SSBP4: variants seen among roughly 807,000 people sequenced by gnomAD.
The protein encoded by SSBP4 is single stranded DNA binding protein 4.
A neutral mutation model predicts 64.6 loss-of-function variants in SSBP4; 33 were observed. The observed-to-expected ratio is 0.51, with a 90% CI of 0.39 to 0.68. The LOEUF is 0.68. Ranked by LOEUF, SSBP4 falls within the 30% of genes least tolerant of loss-of-function variation. The pLI is 0.00. For missense variants in SSBP4, 583 were observed against 566.8 expected (o/e 1.03, Z -0.29); for synonymous variants, 243 against 224.0 (o/e 1.08, Z -0.76).
chr19:18,429,806 C>G (rs888668), intron 4 of SSBP4, among the ~76,000 whole-genome samples: 32,331 of 152,148 alleles, frequency 0.21, 3,532 homozygotes, highest in Admixed American at 0.25. Context: ...GGGGCTCCCG[C>G]CTCCAGCCCC....
chr19:18,414,020 A>C (rs1187846402), upstream of SSBP4, among the ~76,000 whole-genome samples: 3 of 150,830 alleles, frequency 2.0e-5, no homozygotes, highest in East Asian at 2.0e-4. Flanking sequence ...CCATCTCAAA[A>C]AAACAAACAA....
intron 17 of SSBP4, 82 bp from the exon 18 acceptor site, chr19:18,434,135 C>T: frequency 6.3e-7 from 1 of 1,596,804 alleles, no homozygotes; most frequent in South Asian, 1.1e-5. Flanking sequence ...CTGCCCTGTC[C>T]CCCATTGTCC....
intron 4 of SSBP4, among the ~76,000 whole-genome samples, chr19:18,428,406 T>TG (rs1269709162): frequency 6.6e-6 from 1 of 152,124 alleles, no homozygotes; most frequent in Admixed American, 6.5e-5. Context: ...GGGTGCCTGA[T>TG]GGGCCAGGCA....
At position 18,427,627 on chromosome 19, in the gene SSBP4, C is replaced by T; in HGVS notation, c.133-125C>T. 1 of 1,265,456 alleles carries T rather than the reference C, an allele frequency of 7.9e-7. No individual in the cohort carries two copies. The allele number at this position is 1,265,456 out of a possible 1,614,324, so 78.4% of individuals were successfully genotyped here. ...GGGACCTGCCACACATCCTGGGGCC[C>T]TCTGCCCACCCTGTTACCCTTCCCT... On this transcript the variant is annotated intron_variant, in intron 2 of 17. Transcript: ENST00000270061. The surrounding 1 kb of genome is among the most constrained non-coding windows in gnomAD (Gnocchi z 4.4).
chr19:18,432,224 T>TG lies in SSBP4; in HGVS notation c.704+15dup. ...TGCCTGCCATGAACATGTAAGACCC[T>TG]GGGGGATCCTAGGAGTGTGCAGTTC... On this transcript the variant is annotated intron_variant, in intron 10 of 17. Transcript: ENST00000270061. 6.2e-7 allele frequency: 1 copy of TG among 1,612,544 alleles called. No homozygotes were observed. Among genetic ancestry groups the TG allele is most frequent in the Admixed American group, 1.7e-5 (1 of 59,980 alleles).
chr19:18,415,546 C>T (rs992257406), upstream of SSBP4, among the ~76,000 whole-genome samples: 1 of 151,992 alleles, frequency 6.6e-6, no homozygotes. Context: ...AACAGTCTTG[C>T]GGGGGCAGTG....
intron 4 of SSBP4, 71 bp from the exon 5 acceptor site, chr19:18,430,770 G>A (rs113307372): frequency 1.0e-6 from 1 of 999,900 alleles, no homozygotes; most frequent in South Asian, 1.7e-5. Flanking sequence ...TGCAGAGAGG[G>A]GGGGCACACC....
chr19:18,431,996 C>G lies in SSBP4; in HGVS notation c.566-4C>G, dbSNP rs773718123. The G allele has an allele frequency of 3.2e-6, 5 of 1,557,458 alleles. No individual in the cohort carries two copies. The highest frequency in any genetic ancestry group is 4.4e-6 in the Non-Finnish European group (5 of 1,146,836). The stretch of plus-strand genomic sequence containing the variant: ...CAAGTCCCCTTCCTTCTGCCCCACC[C>G]CAGGGCATCCGAGCATGGGCGGCCC... On this transcript the variant is annotated splice_polypyrimidine_tract_variant and splice_region_variant and intron_variant, in intron 8 of 17. Coordinates refer to ENST00000270061, the MANE Select transcript of SSBP4 (RefSeq NM_032627.5).
intron 7 of SSBP4, 41 bp downstream of exon 7, chr19:18,431,747 G>A (rs1327181401): frequency 9.1e-6 from 14 of 1,540,018 alleles, no homozygotes; most frequent in South Asian, 2.4e-5. Context: ...GAGCTGGGCC[G>A]GGGAGGGAGC....
the SSBP4 span, among the ~76,000 whole-genome samples, chr19:18,410,712 A>T: frequency 2.0e-5 from 3 of 151,526 alleles, no homozygotes; most frequent in Admixed American, 2.0e-4. Context: ...TAGCTCAGGG[A>T]GGCCTCAAGG....
chr19:18,434,309 C>A lies in SSBP4; in HGVS notation c.*63C>A, dbSNP rs753896352. 9 of 1,595,858 alleles carry A rather than the reference C, an allele frequency of 5.6e-6. 1 individual carries two copies. Among genetic ancestry groups the A allele is most frequent in the Non-Finnish European group, 7.7e-6 (9 of 1,172,144 alleles). On this transcript the variant is annotated 3_prime_UTR_variant, in exon 18 of 18. Transcript: ENST00000270061. ...TTCTGCCCAGCGCCCCTGCTCAGGG[C>A]GAGGGGCTGAGGTCACACCTCGGGC...
upstream of SSBP4, chr19:18,419,138 G>T: frequency 1.1e-5 from 11 of 985,482 alleles, no homozygotes; most frequent in Non-Finnish European, 1.3e-5. Flanking sequence ...TGGGTGGCCG[G>T]CTCCATTTGA....
the SSBP4 span, among the ~76,000 whole-genome samples, chr19:18,403,733 G>A: frequency 6.6e-6 from 1 of 151,396 alleles, no homozygotes; most frequent in African/African-American, 2.4e-5. Flanking sequence ...GGGTCTGGGG[G>A]TGCTGGGGTC....
At chr19:18,420,007 C>T (rs1218936251) in intron 1 of SSBP4, 1 of 166,688 alleles carries the variant, frequency 6.0e-6, no homozygotes, top group Non-Finnish European at 1.3e-5. Flanking sequence ...GGCGGGGGCG[C>T]GCGAAACCCG....
At position 18,434,312 on chromosome 19, in the gene SSBP4, G is replaced by A; in HGVS notation, c.*66G>A. The A allele has an allele frequency of 6.3e-7, 1 of 1,586,982 alleles. No homozygotes were observed. The highest frequency in any genetic ancestry group is 8.6e-7 in the Non-Finnish European group (1 of 1,167,218). ...TGCCCAGCGCCCCTGCTCAGGGCGA[G>A]GGGCTGAGGTCACACCTCGGGCACC... On this transcript the variant is annotated 3_prime_UTR_variant, in exon 18 of 18. Transcript: ENST00000270061.
At chr19:18,409,952 C>T in the SSBP4 span, among the ~76,000 whole-genome samples, 1 of 152,196 alleles carries the variant, frequency 6.6e-6, no homozygotes, top group African/African-American at 2.4e-5. Flanking sequence ...CTGCCTCAGC[C>T]GCCTGAGTAG....
In SSBP4 at chr19:18,423,703, C is replaced by T. The variant is rs772736415; in HGVS notation, c.60-3648C>T. ...CTGCTTCCCTGCACAGCCTCATGCTCGCTCCAGGTCCAGGCGCCCCATGTC... is the reference window on the plus strand; with the variant it reads ...CTGCTTCCCTGCACAGCCTCATGCTTGCTCCAGGTCCAGGCGCCCCATGTC... On this transcript the variant is annotated intron_variant, in intron 1 of 17. Coordinates refer to ENST00000270061, the MANE Select transcript of SSBP4 (RefSeq NM_032627.5). The surrounding 1 kb of genome is among the most constrained non-coding windows in gnomAD (Gnocchi z 4.0). 6.6e-6 allele frequency among the ~76,000 whole-genome samples: 1 copy of T among 152,214 alleles called. No homozygotes were observed. The highest frequency in any genetic ancestry group is 1.5e-5 in the Non-Finnish European group (1 of 68,022).
chr19:18,430,337 C>T (rs566809987), intron 4 of SSBP4, among the ~76,000 whole-genome samples: 2 of 152,314 alleles, frequency 1.3e-5, no homozygotes, highest in South Asian at 4.1e-4. Flanking sequence ...CAGGAAGCCC[C>T]CTCTCCAGCA....
upstream of SSBP4, among the ~76,000 whole-genome samples, chr19:18,417,825 G>C (rs995620108): frequency 2.6e-5 from 4 of 152,026 alleles, no homozygotes; most frequent in South Asian, 2.1e-4. This position sits in a 1 kb window ranked among gnomAD's most constrained non-coding sequence, Gnocchi z 5.4. Flanking sequence ...TCCTCTCCGC[G>C]GGTCTGGAGC....
Sources: allele counts gnomAD v4.1 joint callset (sites outside exome capture counted in the v4.1 genomes callset), GRCh38; gene constraint gnomAD v4.1.1; non-coding constraint Gnocchi (gnomAD v3.1); transcripts MANE v1.5; gene names NCBI Gene and HGNC (gene_info 2026-07-23, HGNC 2026-07-21).